TMEM116: variants seen among roughly 807,000 people sequenced by gnomAD.
The protein encoded by TMEM116 is transmembrane protein 116.
A neutral mutation model predicts 44.3 loss-of-function variants in TMEM116; 38 were observed. The ratio of observed to expected loss-of-function variants is 0.86; its 90% CI spans 0.66 to 1.12. TMEM116 has a LOEUF of 1.12. Among genes scored for constraint, TMEM116 ranks in the 50% most tolerant of loss-of-function variants. TMEM116 has a pLI of 0.00. For synonymous variants in TMEM116, 132 were observed against 144.8 expected (o/e 0.91, Z 0.64); for missense variants, 354 against 401.7 (o/e 0.88, Z 1.01).
rs184782798 is a variant in TMEM116 at position 111,991,479 on chromosome 12, G to A, written c.210+279C>T. The stretch of plus-strand genomic sequence containing the variant: ...GCAGAGCTTGCAGTGAGCCGAGATC[G>A]CACCACTGTACTCCAGCCTGGTGAC... On this transcript the variant is annotated intron_variant, in intron 4 of 10. Coordinates refer to ENST00000552374, the MANE Select transcript of TMEM116 (RefSeq NM_001193531.2). Among the ~76,000 whole-genome samples the A allele has an allele frequency of 6.1e-4, 90 of 148,126 alleles. No homozygotes were observed. In the East Asian group the frequency reaches 0.017, roughly 28 times the overall value.
chr12:111,951,176 G>A (rs1169822776), intron 4 of TMEM116, among the ~76,000 whole-genome samples: 1 of 152,222 alleles, frequency 6.6e-6, no homozygotes, highest in Non-Finnish European at 1.5e-5. Context: ...ACAGATGCTG[G>A]TGAGGTTGTA....
intron 3 of TMEM116, among the ~76,000 whole-genome samples, chr12:111,998,232 G>A (rs1456890185): frequency 1.3e-5 from 2 of 152,306 alleles, no homozygotes; most frequent in African/African-American, 4.8e-5. Context: ...ACCGTGGTAT[G>A]TAAAACTAGT....
At chr12:112,010,274 T>A (rs2077776749) in intron 1 of TMEM116, among the ~76,000 whole-genome samples, 1 of 152,218 alleles carries the variant, frequency 6.6e-6, no homozygotes, top group South Asian at 2.1e-4. Flanking sequence ...TTTCCCTTCT[T>A]CTAATTTCTA....
intron 4 of TMEM116, among the ~76,000 whole-genome samples, chr12:111,982,324 C>G (rs12582376): frequency 0.2 from 29,285 of 148,970 alleles, 3,055 homozygotes; most frequent in Middle Eastern, 0.27. Context: ...TTTTTGAGAC[C>G]GAGTCTTGCT....
At chr12:111,953,291 A>G (rs2073868416) in intron 4 of TMEM116, among the ~76,000 whole-genome samples, 1 of 152,222 alleles carries the variant, frequency 6.6e-6, no homozygotes, top group Non-Finnish European at 1.5e-5. Context: ...ATGGGACCAG[A>G]CCAACAACCT....
In TMEM116 at chr12:111,970,831, G is replaced by A. The variant is rs370448183; in HGVS notation, c.210+20927C>T. Among the ~76,000 whole-genome samples, 20 of 151,808 alleles carry A rather than the reference G, an allele frequency of 1.3e-4. 1 individual carries two copies. The South Asian group carries it at 1.7e-3, about 13-fold the overall frequency. ...TCTCAATCTGCTGACCTCGTGATCCGCCCGCCCACCTTGGCCTCCCAAAGT... is the reference window on the plus strand; with the variant it reads ...TCTCAATCTGCTGACCTCGTGATCCACCCGCCCACCTTGGCCTCCCAAAGT... On this transcript the variant is annotated intron_variant, in intron 4 of 10. Transcript: ENST00000552374.
chr12:112,006,625 C>G (rs527671685), intron 1 of TMEM116, among the ~76,000 whole-genome samples: 1 of 152,310 alleles, frequency 6.6e-6, no homozygotes, highest in East Asian at 1.9e-4. Context: ...ATAGACCCAG[C>G]CTTCTGACAG....
intron 4 of TMEM116, among the ~76,000 whole-genome samples, chr12:111,968,680 T>C (rs1323239011): frequency 6.6e-6 from 1 of 152,096 alleles, no homozygotes; most frequent in Admixed American, 6.5e-5. Flanking sequence ...AGTTGAGACA[T>C]TGGAGAAATA....
chr12:111,946,889 C>T (rs879073209), intron 4 of TMEM116, among the ~76,000 whole-genome samples: 3 of 152,098 alleles, frequency 2.0e-5, no homozygotes, highest in African/African-American at 4.8e-5. Context: ...ATTTTTCACA[C>T]GTCTGCAATT....
chr12:111,959,586 T>G (rs1291718287), intron 4 of TMEM116, among the ~76,000 whole-genome samples: 5 of 152,224 alleles, frequency 3.3e-5, no homozygotes, highest in Non-Finnish European at 7.3e-5. Flanking sequence ...ATTGGTGTAC[T>G]GTATTCAGGA....
chr12:111,961,884 CTGTT>C (rs1348313300), intron 4 of TMEM116, among the ~76,000 whole-genome samples: 1 of 152,186 alleles, frequency 6.6e-6, no homozygotes, highest in African/African-American at 2.4e-5. Flanking sequence ...CTAATTGTCT[CTGTT>C]TGCAGATGAC....
chr12:111,997,438 G>A (rs1371670312), intron 3 of TMEM116, among the ~76,000 whole-genome samples: 3 of 152,106 alleles, frequency 2.0e-5, no homozygotes, highest in African/African-American at 7.2e-5. Flanking sequence ...GCGTGCACCT[G>A]TAGTCCCAGC....
intron 4 of TMEM116, among the ~76,000 whole-genome samples, chr12:111,964,036 AC>A (rs1295202662): frequency 1.4e-5 from 2 of 147,526 alleles, no homozygotes; most frequent in East Asian, 3.9e-4. Flanking sequence ...CATTAAAACA[AC>A]TCCCGTTTTT....
rs1224680424 is a variant in TMEM116, at chr12:111,931,424, T to A, written c.*197A>T. 1.7e-6 allele frequency: 1 copy of A among 598,946 alleles called. No individual in the cohort carries two copies. The highest frequency in any genetic ancestry group is 2.9e-6 in the Non-Finnish European group (1 of 341,166). 37.1% of individuals were successfully genotyped at this position (598,946 alleles called of 1,614,324 possible). On this transcript the variant is annotated 3_prime_UTR_variant, in exon 11 of 11. Coordinates refer to ENST00000552374, the MANE Select transcript of TMEM116 (RefSeq NM_001193531.2). Reference sequence around the variant, plus strand: ...TCTCCCTGAATAGAGACTTTAAGGATCACTAGTGAATCTGGGAATAACTGG... The same window carrying A: ...TCTCCCTGAATAGAGACTTTAAGGAACACTAGTGAATCTGGGAATAACTGG...
At chr12:112,003,314 A>G (rs1175888817) in intron 3 of TMEM116, among the ~76,000 whole-genome samples, 2 of 152,208 alleles carry the variant, frequency 1.3e-5, no homozygotes, top group African/African-American at 4.8e-5. Context: ...CACGCCTGTA[A>G]TCCCAGCACT....
At chr12:111,990,804 T>C (rs1410970923) in intron 4 of TMEM116, among the ~76,000 whole-genome samples, 1 of 152,218 alleles carries the variant, frequency 6.6e-6, no homozygotes, top group Non-Finnish European at 1.5e-5. Flanking sequence ...ATTTTCAAAA[T>C]CCAGTGTTTA....
chr12:111,939,220 C>T (rs768510936), intron 5 of TMEM116, among the ~76,000 whole-genome samples: 4 of 151,834 alleles, frequency 2.6e-5, no homozygotes, highest in Non-Finnish European at 4.4e-5. Context: ...CATGGGAGGC[C>T]GAGACAGGTG....
chr12:112,010,590 A>T (rs2077791826), intron 1 of TMEM116: 1 of 152,238 alleles, frequency 6.6e-6, no homozygotes, highest in African/African-American at 2.4e-5. Context: ...TAATGTCTGC[A>T]GCTCTCAGAA....
intron 4 of TMEM116, among the ~76,000 whole-genome samples, chr12:111,968,769 G>C (rs2075129646): frequency 6.6e-6 from 1 of 151,762 alleles, no homozygotes; most frequent in East Asian, 1.9e-4. Flanking sequence ...GAGGCAGGTG[G>C]ATCACCTGAG....
Sources: allele counts gnomAD v4.1 joint callset (sites outside exome capture counted in the v4.1 genomes callset), GRCh38; gene constraint gnomAD v4.1.1; transcripts MANE v1.5; gene names NCBI Gene and HGNC (gene_info 2026-07-23, HGNC 2026-07-21).